The following PACS2 variants were observed in gnomAD, a reference collection of about 807,000 sequenced individuals.
The protein encoded by PACS2 is PACS1-like protein.
PACS2 carries 36 observed loss-of-function variants against 113.0 expected under a neutral mutation model. The ratio of observed to expected loss-of-function variants is 0.32; its 90% CI spans 0.24 to 0.42. The LOEUF is 0.42. PACS2 is among the 10% of genes least tolerant of loss of function. The probability of loss-of-function intolerance (pLI) is 1.00; values close to 1 mark genes in which losing one functional copy is unlikely to be tolerated. For synonymous variants in PACS2, 589 were observed against 536.1 expected, an observed-to-expected ratio of 1.10 and a Z score of -1.36; for missense variants, 1,015 against 1,239.5, an observed-to-expected ratio of 0.82 and a Z score of 2.72.
intron 1 of PACS2, among the ~76,000 whole-genome samples, chr14:105,332,958 A>G (rs929904160): frequency 1.3e-5 from 2 of 151,884 alleles, no homozygotes; most frequent in African/African-American, 4.8e-5. Flanking sequence ...GGGGTGCCCA[A>G]TCTGTGCTCT....
intron 1 of PACS2, among the ~76,000 whole-genome samples, chr14:105,334,991 C>G (rs2059455678): frequency 1.3e-5 from 2 of 152,250 alleles, no homozygotes; most frequent in African/African-American, 4.8e-5. Flanking sequence ...GTGCCTGGGA[C>G]TGTTGGGCTG....
At position 105,362,147 on chromosome 14, in the gene PACS2, G is replaced by A. The variant is rs1486166467; in HGVS notation, c.424-5066G>A. Among the ~76,000 whole-genome samples, 8 of 150,342 alleles carry A rather than the reference G, an allele frequency of 5.3e-5. No homozygotes were observed. The East Asian group carries it at 8.1e-4, about 15-fold the overall frequency. On this transcript the variant is annotated intron_variant, in intron 4 of 24. Coordinates refer to ENST00000447393, the MANE Select transcript of PACS2 (RefSeq NM_001100913.3). ...CAAAAAAAAAGAATGGGCCAGGTGT[G>A]GTGGCTCACGCCTGTCATCCCAGCA...
At chr14:105,384,086 G>C (rs1184001225) in intron 16 of PACS2, 3 of 470,722 alleles carry the variant, frequency 6.4e-6, no homozygotes, top group African/African-American at 5.9e-5. Flanking sequence ...CGAGGCCTCT[G>C]CACGGTCACA....
chr14:105,346,337 C>T (rs1287017558), intron 1 of PACS2, among the ~76,000 whole-genome samples: 2 of 152,078 alleles, frequency 1.3e-5, no homozygotes, highest in Non-Finnish European at 2.9e-5. Flanking sequence ...GAACAGGCCG[C>T]CCTGTGCATG....
At chr14:105,393,534 C>T (rs1041831832) in intron 24 of PACS2, 199 bp downstream of exon 24, 8 of 483,526 alleles carry the variant, frequency 1.7e-5, no homozygotes, top group Non-Finnish European at 2.9e-5. Flanking sequence ...TTTTTTCAAC[C>T]CTTTTTGCTT....
rs368170925 is a variant in PACS2 at position 105,383,178 on chromosome 14, G to A, written c.1626-181G>A. ...CCTGGGCTGAGGCCATGACTGTGTG[G>A]TCCCTCAGCCTGGGCACGTTTGGGC... On this transcript the variant is annotated intron_variant, in intron 15 of 24. Coordinates refer to ENST00000447393, the MANE Select transcript of PACS2 (RefSeq NM_001100913.3). 6.2e-5 allele frequency: 45 copies of A among 724,604 alleles called. No homozygotes were observed. In the East Asian group the frequency reaches 1.1e-3, roughly 18 times the overall value. The allele number at this position is 724,604 out of a possible 1,614,324, so 44.9% of individuals were successfully genotyped here.
At chr14:105,386,111 C>T (rs1386519999) in intron 19 of PACS2, among the ~76,000 whole-genome samples, 1 of 152,220 alleles carries the variant, frequency 6.6e-6, no homozygotes, top group Non-Finnish European at 1.5e-5. Flanking sequence ...TTAGCCCCTC[C>T]TCGTTTTAAA....
chr14:105,379,735 C>G lies in PACS2; in HGVS notation c.960-4C>G. On this transcript the variant is annotated splice_region_variant and splice_polypyrimidine_tract_variant and intron_variant, in intron 9 of 24. Coordinates refer to ENST00000447393, the MANE Select transcript of PACS2 (RefSeq NM_001100913.3). ...GTGTCCCCCACCCCTGTTCCCTGAG[C>G]CAGGCCATACTTTGAAGGCCTGTCG... is the stretch of plus-strand genomic sequence containing the variant. The G allele has an allele frequency of 1.2e-6, 2 of 1,612,326 alleles. No homozygotes were observed. Among genetic ancestry groups the G allele is most frequent in the African/African-American group, 2.7e-5 (2 of 75,024 alleles).
At position 105,376,979 on chromosome 14, in the gene PACS2, A is replaced by C; in HGVS notation, c.959+54A>C. On this transcript the variant is annotated intron_variant, in intron 9 of 24. Transcript: ENST00000447393. This position sits in a 1 kb window ranked among gnomAD's most constrained non-coding sequence, Gnocchi z 4.7. ...AACAGCCATTTCAGATGCCCCGGCC[A>C]CTCTGCGACCACTCTGGCAGACCCA... The C allele has an allele frequency of 1.3e-6, 2 of 1,517,434 alleles. No homozygotes were observed. The highest frequency in any genetic ancestry group is 1.8e-6 in the Non-Finnish European group (2 of 1,124,616). The allele number at this position is 1,517,434 out of a possible 1,614,324, so 94.0% of individuals were successfully genotyped here. A position where few individuals can be genotyped will look rare whatever the true frequency, so the allele number is the denominator to read the frequency against.
At chr14:105,386,260 G>A (rs587643279) in intron 19 of PACS2, among the ~76,000 whole-genome samples, 1 of 152,330 alleles carries the variant, frequency 6.6e-6, no homozygotes, top group South Asian at 2.1e-4. Context: ...CAAGCAAGTA[G>A]TTAAGGAGCT....
intron 1 of PACS2, among the ~76,000 whole-genome samples, chr14:105,302,600 A>C (rs1394654688): frequency 6.6e-6 from 1 of 151,964 alleles, no homozygotes; most frequent in Non-Finnish European, 1.5e-5. Context: ...ATTTTTTAAA[A>C]ATTGAGATAG....
At chr14:105,363,267 G>A (rs587713346) in intron 4 of PACS2, among the ~76,000 whole-genome samples, 14 of 152,294 alleles carry the variant, frequency 9.2e-5, no homozygotes, top group East Asian at 3.9e-4. Context: ...GCCAGGCATC[G>A]ACTTCTCCTC....
intron 1 of PACS2, among the ~76,000 whole-genome samples, chr14:105,326,486 C>G (rs150879079): frequency 1.7e-3 from 256 of 152,362 alleles, no homozygotes; most frequent in African/African-American, 6.0e-3. Context: ...TTGGGCTGTT[C>G]GTTCCTCTGA....
chr14:105,383,623 G>C lies in PACS2; in HGVS notation c.1780+110G>C, dbSNP rs983365938. ...CGTGTTGTGTGGCGTGGCGTGGCGC[G>C]GTGTGTCGTGGTGTGGCGCGGTGTG... is the stretch of plus-strand genomic sequence containing the variant. On this transcript the variant is annotated intron_variant, in intron 16 of 24. Coordinates refer to ENST00000447393, the MANE Select transcript of PACS2 (RefSeq NM_001100913.3). 3.6e-5 allele frequency: 35 copies of C among 971,988 alleles called. No individual in the cohort carries two copies. The African/African-American group carries it at 5.6e-4, about 16-fold the overall frequency. 60.2% of individuals were successfully genotyped at this position (971,988 alleles called of 1,614,324 possible).
intron 1 of PACS2, among the ~76,000 whole-genome samples, chr14:105,304,787 A>G (rs1273614362): frequency 6.6e-6 from 1 of 152,262 alleles, no homozygotes; most frequent in East Asian, 1.9e-4. Flanking sequence ...CGTGGATGGC[A>G]GCAGGGAGAG....
chr14:105,303,501 C>G (rs1190837977), intron 1 of PACS2, among the ~76,000 whole-genome samples: 2 of 152,228 alleles, frequency 1.3e-5, no homozygotes, highest in African/African-American at 4.8e-5. Flanking sequence ...TCTCGCCCTC[C>G]CAAAGTGCTG....
At position 105,366,628 on chromosome 14, in the gene PACS2, TG is replaced by T. The variant is rs1174731441; in HGVS notation, c.424-582del. On this transcript the variant is annotated intron_variant, in intron 4 of 24. Coordinates refer to ENST00000447393, the MANE Select transcript of PACS2 (RefSeq NM_001100913.3). The surrounding 1 kb of genome is among the most constrained non-coding windows in gnomAD (Gnocchi z 4.3). ...GACCTGGCCTGTGAGCCAGGCCTGGTGGGTGTCTCCTGCTGCTGGAGATTCC... is the reference window on the plus strand; with the variant it reads ...GACCTGGCCTGTGAGCCAGGCCTGGTGGTGTCTCCTGCTGCTGGAGATTCC... Among the ~76,000 whole-genome samples the T allele has an allele frequency of 6.6e-6, 1 of 152,144 alleles. No homozygotes were observed. Among genetic ancestry groups the T allele is most frequent in the Non-Finnish European group, 1.5e-5 (1 of 68,022 alleles).
intron 1 of PACS2, among the ~76,000 whole-genome samples, chr14:105,332,040 C>G (rs972630210): frequency 6.6e-6 from 1 of 152,194 alleles, no homozygotes; most frequent in Admixed American, 6.5e-5. Flanking sequence ...TCTGTGGTTG[C>G]TTTTAGCGTT....
intron 1 of PACS2, among the ~76,000 whole-genome samples, chr14:105,326,663 C>G (rs896130184): frequency 6.6e-6 from 1 of 152,236 alleles, no homozygotes; most frequent in Admixed American, 6.5e-5. Context: ...CTAGGGCTCT[C>G]CTTCCTCCCC....
Sources: allele counts gnomAD v4.1 joint callset (sites outside exome capture counted in the v4.1 genomes callset), GRCh38; gene constraint gnomAD v4.1.1; non-coding constraint Gnocchi (gnomAD v3.1); transcripts MANE v1.5; gene names NCBI Gene and HGNC (gene_info 2026-07-23, HGNC 2026-07-21).